The following PRKAR1A variants were observed in gnomAD, a reference collection of about 807,000 sequenced individuals.
PRKAR1A encodes protein kinase cAMP-dependent type I regulatory subunit alpha.
Under a neutral mutation model 52.0 loss-of-function variants are expected in PRKAR1A, and 3 were observed. That is an observed-to-expected ratio of 0.06 (90% CI 0.03 to 0.15). The LOEUF is 0.15. Among genes scored for constraint, PRKAR1A ranks in the 10% least tolerant of loss-of-function variants. The pLI is 1.00. For missense variants in PRKAR1A, 240 were observed against 477.4 expected, an observed-to-expected ratio of 0.50 and a Z score of 4.63; for synonymous variants, 188 against 168.4, an observed-to-expected ratio of 1.12 and a Z score of -0.90.
At chr17:68,463,746 G>A in the PRKAR1A span, among the ~76,000 whole-genome samples, 1 of 152,198 alleles carries the variant, frequency 6.6e-6, no homozygotes, top group Non-Finnish European at 1.5e-5. Context: ...AAAGAGCAGC[G>A]AGGAGGCAGG....
chr17:68,533,706 G>A (rs1183274457), downstream of PRKAR1A, among the ~76,000 whole-genome samples: 1 of 152,124 alleles, frequency 6.6e-6, no homozygotes, highest in African/African-American at 2.4e-5. Flanking sequence ...TGTCCCCAAA[G>A]GTACGTTTTT....
In PRKAR1A at chr17:68,530,819, T is replaced by A; in HGVS notation, c.*370T>A. 1.6e-6 allele frequency: 2 copies of A among 1,248,230 alleles called. No individual in the cohort carries two copies. Among genetic ancestry groups the A allele is most frequent in the Non-Finnish European group, 2.0e-6 (2 of 983,582 alleles). 77.3% of individuals were successfully genotyped at this position (1,248,230 alleles called of 1,614,324 possible). On this transcript the variant is annotated 3_prime_UTR_variant, in exon 11 of 11. Coordinates refer to ENST00000589228, the MANE Select transcript of PRKAR1A (RefSeq NM_002734.5). ...AGATTTTTTTTTTAAGTGACATAAT[T>A]GTCCAGTTATAAGCGTATTTAGACT... is the stretch of plus-strand genomic sequence containing the variant.
At chr17:68,422,077 A>G in the PRKAR1A span, 2 of 465,026 alleles carry the variant, frequency 4.3e-6, no homozygotes, top group Non-Finnish European at 7.8e-6. Flanking sequence ...ATGTATATGT[A>G]TATATTTTTA....
chr17:68,480,090 C>A, the PRKAR1A span, among the ~76,000 whole-genome samples: 2 of 152,162 alleles, frequency 1.3e-5, no homozygotes, highest in African/African-American at 4.8e-5. Flanking sequence ...GAGGACACAG[C>A]CAAAGCTTAT....
chr17:68,472,965 A>G, the PRKAR1A span, among the ~76,000 whole-genome samples: 3 of 152,194 alleles, frequency 2.0e-5, no homozygotes, highest in South Asian at 6.2e-4. Context: ...GTAATAAATA[A>G]TAAATTGTTA....
chr17:68,539,965 C>T (rs1377723316), intron 11 of PRKAR1A: 1 of 1,614,070 alleles, frequency 6.2e-7, no homozygotes, highest in Non-Finnish European at 8.5e-7. Context: ...GGTCCATATT[C>T]CCTGTGAAGG....
Position 68,522,893 on chromosome 17 carries a change from C to T in PRKAR1A, c.315C>T (p.Tyr105=), listed in dbSNP as rs2085661791. 1 of 1,613,762 alleles carries T rather than the reference C, an allele frequency of 6.2e-7. No individual in the cohort carries two copies. The highest frequency in any genetic ancestry group is 1.1e-5 in the South Asian group (1 of 91,076). ...GAGGTGCTATCAGCGCTGAGGTCTA[C>T]ACGGAGGAAGATGCGGCATCCTATG... ...RRRGAISAEV[Y]TEEDAASYVR... is the part of the protein sequence containing the mutation. The change falls in exon 3 of 11, where the codon TAC becomes TAT. Residue 105 remains tyrosine, a synonymous_variant. Transcript: ENST00000589228.
In PRKAR1A at chr17:68,530,747, A is replaced by T. The variant is rs550707758; in HGVS notation, c.*298A>T. On this transcript the variant is annotated 3_prime_UTR_variant, in exon 11 of 11. Transcript: ENST00000589228. ...GTGCCATGCTTTTTGGTGAGGGCAG[A>T]TCCCAGCACCTATTGAATTACCATA... The T allele has an allele frequency of 6.8e-6, 9 of 1,330,716 alleles. No homozygotes were observed. The African/African-American group carries it at 1.3e-4, about 20-fold the overall frequency. 82.4% of individuals were successfully genotyped at this position (1,330,716 alleles called of 1,614,324 possible).
chr17:68,504,211 T>A, the PRKAR1A span, among the ~76,000 whole-genome samples: 2 of 152,130 alleles, frequency 1.3e-5, no homozygotes, highest in African/African-American at 4.8e-5. Context: ...ACACCTGTAA[T>A]CCCAGCACTT....
chr17:68,520,054 T>C (rs934518392), intron 2 of PRKAR1A, among the ~76,000 whole-genome samples: 1 of 152,228 alleles, frequency 6.6e-6, no homozygotes, highest in African/African-American at 2.4e-5. Flanking sequence ...CAGCCTGTCT[T>C]ATGTTCTTGA....
chr17:68,429,954 C>T, the PRKAR1A span: 71 of 1,609,966 alleles, frequency 4.4e-5, no homozygotes, highest in Middle Eastern at 4.9e-4. Context: ...AATACATTGA[C>T]GAAAGTGTGG....
At chr17:68,437,935 G>A in the PRKAR1A span, among the ~76,000 whole-genome samples, 1 of 91,978 alleles carries the variant, frequency 1.1e-5, no homozygotes, top group Admixed American at 1.3e-4. Flanking sequence ...TCACGCAAGA[G>A]AGACATCTCT....
the PRKAR1A span, among the ~76,000 whole-genome samples, chr17:68,437,228 A>C: frequency 6.6e-6 from 1 of 152,010 alleles, no homozygotes; most frequent in Non-Finnish European, 1.5e-5. Context: ...TTCAAGTTGG[A>C]GAAGAGGAGC....
At chr17:68,419,017 C>CAAAA in the PRKAR1A span, among the ~76,000 whole-genome samples, 3 of 112,946 alleles carry the variant, frequency 2.7e-5, no homozygotes, top group Non-Finnish European at 3.9e-5. Flanking sequence ...ATAGCAAAGC[C>CAAAA]AAAAAAAAAA....
At chr17:68,535,304 T>C (rs1321119791), downstream of PRKAR1A, 8 of 453,986 alleles carry the variant, frequency 1.8e-5, no homozygotes, top group Admixed American at 9.4e-5. Flanking sequence ...GTACCACATA[T>C]CATGGTGAAA....
the PRKAR1A span, among the ~76,000 whole-genome samples, chr17:68,495,977 TC>T: frequency 1.5e-4 from 1 of 6,844 alleles, no homozygotes; most frequent in Non-Finnish European, 2.3e-4. Flanking sequence ...CTCTCCTCTC[TC>T]CTCTCCTCTC....
At chr17:68,456,832 G>A in the PRKAR1A span, among the ~76,000 whole-genome samples, 1 of 152,194 alleles carries the variant, frequency 6.6e-6, no homozygotes, top group Non-Finnish European at 1.5e-5. Flanking sequence ...GCAGGGATAG[G>A]CTGCCTCTTT....
the PRKAR1A span, chr17:68,421,416 A>C: frequency 0.016 from 4,146 of 254,874 alleles, 160 homozygotes; most frequent in African/African-American, 0.083. Context: ...CAAGAAATAC[A>C]ATTCAAAGAG....
rs767405408 is a variant in PRKAR1A, at chr17:68,525,771, A to G, written c.567A>G (p.Glu189=). ...QGETDVYVNN[E]WATSVGEGGS... is the part of the protein sequence containing the mutation. ...CACTTTAGGTCTATGTTAACAATGAATGGGCAACCAGTGTTGGGGAAGGAG... is the reference window on the plus strand; with the variant it reads ...CACTTTAGGTCTATGTTAACAATGAGTGGGCAACCAGTGTTGGGGAAGGAG... The change falls in exon 7 of 11, where the codon GAA becomes GAG. Residue 189 remains glutamate, a synonymous_variant. Coordinates refer to ENST00000589228, the MANE Select transcript of PRKAR1A (RefSeq NM_002734.5). 3.7e-6 allele frequency: 6 copies of G among 1,613,882 alleles called. No individual in the cohort carries two copies. Among genetic ancestry groups the G allele is most frequent in the African/African-American group, 1.3e-5 (1 of 74,910 alleles).
Sources: gnomAD v4.1 joint callset for allele counts (sites outside exome capture counted in the v4.1 genomes callset) on GRCh38, gnomAD v4.1.1 for gene constraint, MANE v1.5 for transcripts, NCBI Gene and HGNC (gene_info 2026-07-23, HGNC 2026-07-21) for gene names.